NELL1: variants seen among roughly 807,000 people sequenced by gnomAD.
NELL1 encodes protein kinase C-binding protein NELL1.
In NELL1, 76 loss-of-function variants were observed where a neutral mutation model predicts 107.4. The ratio of observed to expected loss-of-function variants is 0.71; its 90% confidence interval spans 0.59 to 0.86. The LOEUF is 0.86. Ranked by LOEUF, NELL1 falls within the 40% of genes least tolerant of loss-of-function variation. The pLI is 0.00. For missense variants in NELL1, 1,024 were observed against 1,005.5 expected (o/e 1.02, Z -0.25); for synonymous variants, 353 against 341.2 (o/e 1.03, Z -0.38).
intron 14 of NELL1, among the ~76,000 whole-genome samples, chr11:21,252,322 T>C (rs930771580): frequency 2.0e-5 from 3 of 151,822 alleles, no homozygotes; most frequent in African/African-American, 7.3e-5. Flanking sequence ...TATTGTAACA[T>C]TGGTTTTGGG....
intron 14 of NELL1, among the ~76,000 whole-genome samples, chr11:21,319,881 T>G (rs1849970511): frequency 6.6e-6 from 1 of 152,048 alleles, no homozygotes; most frequent in Non-Finnish European, 1.5e-5. Flanking sequence ...CCTTATGACC[T>G]GCTTTAGACT....
chr11:21,422,990 A>C (rs377055334), intron 15 of NELL1, among the ~76,000 whole-genome samples: 6 of 152,320 alleles, frequency 3.9e-5, no homozygotes, highest in African/African-American at 1.4e-4. Context: ...AAAATATGGA[A>C]AAAGATATTC....
rs946418029 is a variant in NELL1 at position 20,989,873 on chromosome 11, T to C, written c.1300+29313T>C. Among the ~76,000 whole-genome samples the C allele has an allele frequency of 2.3e-4, 35 of 151,832 alleles. 1 individual carries two copies. Among genetic ancestry groups the C allele is most frequent in the African/African-American group, 7.3e-4 (30 of 41,316 alleles). On this transcript the variant is annotated intron_variant, in intron 12 of 19. Transcript: ENST00000357134. ...TTAGCTGGGCATGGTGGCGGGCGCCTGTAGTCCCAGCTACTCAGGAGGCTG... is the reference window on the plus strand; with the variant it reads ...TTAGCTGGGCATGGTGGCGGGCGCCCGTAGTCCCAGCTACTCAGGAGGCTG...
At chr11:21,110,055 C>G (rs538328442) in intron 12 of NELL1, among the ~76,000 whole-genome samples, 2 of 152,220 alleles carry the variant, frequency 1.3e-5, no homozygotes, top group South Asian at 4.1e-4. Flanking sequence ...ACTTCACTTT[C>G]TCTCTCTTCT....
At chr11:20,991,202 C>G (rs547932065) in intron 12 of NELL1, among the ~76,000 whole-genome samples, 1 of 152,332 alleles carries the variant, frequency 6.6e-6, no homozygotes, top group Non-Finnish European at 1.5e-5. Context: ...TTCCCTGTCT[C>G]ATTATTCCTG....
At chr11:21,536,524 C>T (rs930005628) in intron 16 of NELL1, among the ~76,000 whole-genome samples, 1 of 152,134 alleles carries the variant, frequency 6.6e-6, no homozygotes, top group African/African-American at 2.4e-5. Context: ...CTCCTTTCTT[C>T]TGCTAACTCT....
chr11:20,892,176 C>A (rs576509314), intron 5 of NELL1, among the ~76,000 whole-genome samples: 1 of 152,168 alleles, frequency 6.6e-6, no homozygotes. Context: ...TCTCAGATCA[C>A]GGTGCGATCA....
At chr11:20,771,594 G>A (rs1211809754) in intron 2 of NELL1, among the ~76,000 whole-genome samples, 1 of 152,142 alleles carries the variant, frequency 6.6e-6, no homozygotes, top group African/African-American at 2.4e-5. Context: ...ATATGATTAA[G>A]ATACCCCAAG....
intron 12 of NELL1, among the ~76,000 whole-genome samples, chr11:21,025,502 T>C (rs1447227034): frequency 1.3e-5 from 2 of 151,702 alleles, no homozygotes; most frequent in Non-Finnish European, 2.9e-5. Flanking sequence ...CATAATTAGG[T>C]GAACAAATTT....
At chr11:21,132,603 C>T (rs1855647751) in intron 13 of NELL1, among the ~76,000 whole-genome samples, 1 of 152,162 alleles carries the variant, frequency 6.6e-6, no homozygotes, top group Non-Finnish European at 1.5e-5. Context: ...CCACAAGTGG[C>T]TTCCACTGCA....
At chr11:21,232,316 C>G (rs1483235658) in intron 14 of NELL1, among the ~76,000 whole-genome samples, 1 of 135,626 alleles carries the variant, frequency 7.4e-6, no homozygotes, top group African/African-American at 2.8e-5. Flanking sequence ...GGGGACAGAG[C>G]AACACTCCAT....
At chr11:20,898,399 A>G (rs549399478) in intron 5 of NELL1, among the ~76,000 whole-genome samples, 51 of 152,130 alleles carry the variant, frequency 3.4e-4, no homozygotes, top group African/African-American at 1.2e-3. Flanking sequence ...GAAGGGGAAT[A>G]TCACACACCA....
rs182324624 is a variant in NELL1, at chr11:21,241,070, T to C, written c.1549+11616T>C. The stretch of plus-strand genomic sequence containing the variant: ...TAAGATTAGCAAAGCCGTATACATA[T>C]ATCAGTCAGTTTTATTTTAAAACAG... On this transcript the variant is annotated intron_variant, in intron 14 of 19. Transcript: ENST00000357134. 2.7e-4 allele frequency among the ~76,000 whole-genome samples: 41 copies of C among 152,216 alleles called. No homozygotes were observed. The East Asian group carries it at 5.8e-3, about 21-fold the overall frequency.
intron 9 of NELL1, among the ~76,000 whole-genome samples, chr11:20,937,341 G>A (rs1476182647): frequency 6.6e-6 from 1 of 152,162 alleles, no homozygotes; most frequent in Admixed American, 6.5e-5. Context: ...TGATCACAAG[G>A]AAGAAGAAAT....
chr11:20,814,195 C>T (rs970655010), intron 3 of NELL1, among the ~76,000 whole-genome samples: 37 of 152,200 alleles, frequency 2.4e-4, no homozygotes, highest in African/African-American at 8.4e-4. Context: ...GGGGTTTCAC[C>T]GTGTTAGCCA....
intron 14 of NELL1, among the ~76,000 whole-genome samples, chr11:21,325,103 G>T (rs1850100718): frequency 6.6e-6 from 1 of 151,982 alleles, no homozygotes; most frequent in African/African-American, 2.4e-5. Flanking sequence ...ACACCTTGGA[G>T]GAAATTCTTA....
chr11:21,017,832 A>G (rs1464397269), intron 12 of NELL1, among the ~76,000 whole-genome samples: 1 of 152,006 alleles, frequency 6.6e-6, no homozygotes, highest in Non-Finnish European at 1.5e-5. Context: ...TCTTTCTATC[A>G]TCCTTATCTA....
chr11:21,134,634 GAC>G (rs1855702942), intron 13 of NELL1, among the ~76,000 whole-genome samples: 1 of 152,160 alleles, frequency 6.6e-6, no homozygotes, highest in Admixed American at 6.5e-5. Context: ...AGATGGAAGA[GAC>G]AGAATCCCTG....
At chr11:21,463,106 G>T (rs1430950400) in intron 15 of NELL1, among the ~76,000 whole-genome samples, 1 of 151,878 alleles carries the variant, frequency 6.6e-6, no homozygotes, top group Non-Finnish European at 1.5e-5. Context: ...CTGGATCCAG[G>T]AGCCTCTCCT....
Sources: allele counts gnomAD v4.1 joint callset (sites outside exome capture counted in the v4.1 genomes callset), GRCh38; gene constraint gnomAD v4.1.1; transcripts MANE v1.5; gene names NCBI Gene and HGNC (gene_info 2026-07-23, HGNC 2026-07-21).